The following PHAX variants were observed in gnomAD, a reference collection of about 807,000 sequenced individuals.
The protein encoded by PHAX is phosphorylated adapter RNA export protein.
Under a neutral mutation model 41.6 loss-of-function variants are expected in PHAX, and 31 were observed. The ratio of observed to expected loss-of-function variants is 0.75; its 90% confidence interval spans 0.56 to 1.01. The LOEUF (loss-of-function observed/expected upper bound fraction) is 1.01, where lower values mean the gene tolerates loss of function less well. Among genes scored for constraint, PHAX ranks in the 50% least tolerant of loss-of-function variants. PHAX has a pLI of 0.00. For synonymous variants in PHAX, 175 were observed against 164.9 expected (o/e 1.06, Z -0.47); for missense variants, 453 against 472.9 (o/e 0.96, Z 0.39).
intron 3 of PHAX, among the ~76,000 whole-genome samples, chr5:126,614,250 C>A (rs570555424): frequency 4.0e-5 from 6 of 151,876 alleles, no homozygotes; most frequent in African/African-American, 1.5e-4. Flanking sequence ...CAGGCATATC[C>A]CACCATGTCC....
chr5:126,609,721 AAAAC>A (rs1385095339), intron 3 of PHAX, among the ~76,000 whole-genome samples: 1 of 151,864 alleles, frequency 6.6e-6, no homozygotes, highest in Non-Finnish European at 1.5e-5. Context: ...GCAAAAAAAA[AAAAC>A]AAAACACCCT....
chr5:126,608,685 C>G (rs1220747014), intron 3 of PHAX, among the ~76,000 whole-genome samples: 1 of 152,040 alleles, frequency 6.6e-6, no homozygotes, highest in Non-Finnish European at 1.5e-5. Flanking sequence ...GCCTGTATTC[C>G]TAGCACTTTG....
At chr5:126,606,565 T>C (rs1284784728) in intron 2 of PHAX, among the ~76,000 whole-genome samples, 3 of 152,246 alleles carry the variant, frequency 2.0e-5, no homozygotes, top group Non-Finnish European at 2.9e-5. Context: ...TATATTCATA[T>C]TGAATATTCT....
In PHAX at chr5:126,609,095, A is replaced by ATTTTTTTTTTTTTTTTT. The variant is rs761125079; in HGVS notation, c.831+618_831+634dup. 6.1e-3 allele frequency among the ~76,000 whole-genome samples: 618 copies of ATTTTTTTTTTTTTTTTT among 101,212 alleles called. 95 individuals carry two copies. The highest frequency in any genetic ancestry group is 0.029 in the African/African-American group (598 of 20,974). The allele number at this position is 101,212 out of a possible 152,430, so 66.4% of individuals were successfully genotyped here. A position where few individuals can be genotyped will look rare whatever the true frequency, so the allele number is the denominator to read the frequency against. The stretch of plus-strand genomic sequence containing the variant: ...ATGATTTGTTAAAGGTAGGGGTTGA[A>ATTTTTTTTTTTTTTTTT]TTTTTTTTTTTTTTTTTTTTTTTGA... On this transcript the variant is annotated intron_variant, in intron 3 of 4. Coordinates refer to ENST00000297540, the MANE Select transcript of PHAX (RefSeq NM_032177.4).
Position 126,608,403 on chromosome 5 carries a change from G to A in PHAX, c.750G>A (p.Val250=), listed in dbSNP as rs764499569. ...EPKKDLIARV[V]RIIGNKKAIE... The stretch of plus-strand genomic sequence containing the variant: ...AGAAAGACCTGATAGCCCGAGTAGT[G>A]AGGATTATTGGTAACAAAAAGGCAA... Residue 250 remains valine (V), a synonymous_variant, in exon 3 of 5, where the codon GTG becomes GTA. Transcript: ENST00000297540. 2 of 1,613,722 alleles carry A rather than the reference G, an allele frequency of 1.2e-6. No homozygotes were observed. The highest frequency in any genetic ancestry group is 2.2e-5 in the South Asian group (2 of 91,076).
Position 126,600,957 on chromosome 5 carries a change from G to C in PHAX, c.-6G>C. 6.2e-7 allele frequency: 1 copy of C among 1,602,026 alleles called. No individual in the cohort carries two copies. The highest frequency in any genetic ancestry group is 8.5e-7 in the Non-Finnish European group (1 of 1,174,046). Reference sequence around the variant, plus strand: ...GCCGCTGTGCAGCGCAGCGCACCGCGGGAAGATGGCGTTGGAGGTCGGCGA... The same window carrying C: ...GCCGCTGTGCAGCGCAGCGCACCGCCGGAAGATGGCGTTGGAGGTCGGCGA... On this transcript the variant is annotated 5_prime_UTR_variant, in exon 1 of 5. Transcript: ENST00000297540.
chr5:126,613,842 C>T (rs555504087), intron 3 of PHAX, among the ~76,000 whole-genome samples: 112 of 150,812 alleles, frequency 7.4e-4, no homozygotes, highest in African/African-American at 2.7e-3. Context: ...GTGGCACAAT[C>T]GCAGGTCACT....
At chr5:126,609,615 C>G (rs1251424319) in intron 3 of PHAX, among the ~76,000 whole-genome samples, 4 of 151,502 alleles carry the variant, frequency 2.6e-5, no homozygotes, top group Non-Finnish European at 5.9e-5. Context: ...GGAGATGGTG[C>G]ACATGAAATA....
At position 126,627,221 on chromosome 5, in the gene PHAX, A is replaced by G. The variant is rs1244952942; in HGVS notation, c.*2377A>G. ...GTTGCTTTTTATTTATAAAGGATGC[A>G]AAAATAAAATTAGATTTTTGGCAGT... On this transcript the variant is annotated 3_prime_UTR_variant, in exon 5 of 5. Transcript: ENST00000297540. The G allele has an allele frequency of 6.6e-6, 1 of 152,234 alleles. No homozygotes were observed. Among genetic ancestry groups the G allele is most frequent in the African/African-American group, 2.4e-5 (1 of 41,472 alleles). 9.4% of individuals were successfully genotyped at this position (152,234 alleles called of 1,614,324 possible). A position where few individuals can be genotyped will look rare whatever the true frequency, so the allele number is the denominator to read the frequency against.
At position 126,625,893 on chromosome 5, in the gene PHAX, C is replaced by G. The variant is rs563382681; in HGVS notation, c.*1049C>G. 2 of 152,054 alleles carry G rather than the reference C, an allele frequency of 1.3e-5. No individual in the cohort carries two copies. Among genetic ancestry groups the G allele is most frequent in the African/African-American group, 4.8e-5 (2 of 41,416 alleles). The allele number at this position is 152,054 out of a possible 1,614,324, so 9.4% of individuals were successfully genotyped here. ...TTTTTGTATTTTTAGTAAAGACTTT[C>G]GCCATGTTGTCCAGGCTGGTCTCGA... On this transcript the variant is annotated 3_prime_UTR_variant, in exon 5 of 5. Transcript: ENST00000297540.
chr5:126,609,986 C>T (rs987809404), intron 3 of PHAX, among the ~76,000 whole-genome samples: 6 of 152,172 alleles, frequency 3.9e-5, no homozygotes, highest in Non-Finnish European at 7.3e-5. Context: ...ATCCGCCTGC[C>T]TCGGCCTCCC....
At chr5:126,614,328 A>C (rs1752151511) in intron 3 of PHAX, among the ~76,000 whole-genome samples, 1 of 151,940 alleles carries the variant, frequency 6.6e-6, no homozygotes, top group Non-Finnish European at 1.5e-5. Context: ...CAAACTCCTG[A>C]CCTCAAGTGA....
At chr5:126,609,856 C>T (rs1441807184) in intron 3 of PHAX, among the ~76,000 whole-genome samples, 1 of 152,164 alleles carries the variant, frequency 6.6e-6, no homozygotes, top group East Asian at 1.9e-4. Context: ...TCCCCTGCCT[C>T]AGCCTCCCAA....
At chr5:126,608,958 G>GA (rs113506836) in intron 3 of PHAX, among the ~76,000 whole-genome samples, 38,885 of 148,278 alleles carry the variant, frequency 0.26, 6,310 homozygotes, top group African/African-American at 0.45. Context: ...AGAATAAAAA[G>GA]AAAAAAAAAT....
At chr5:126,623,427 G>A (rs915598013) in intron 4 of PHAX, among the ~76,000 whole-genome samples, 1 of 152,084 alleles carries the variant, frequency 6.6e-6, no homozygotes, top group African/African-American at 2.4e-5. Context: ...TAAGGCTTTT[G>A]TGAGGACGAA....
rs941990240 is a variant in PHAX at position 126,602,953 on chromosome 5, C to T, written c.97-617C>T. On this transcript the variant is annotated intron_variant, in intron 1 of 4. Transcript: ENST00000297540. ...CCGGGAGGCGGAGCTTGCAGTGAGC[C>T]GAGATCGCGCCACTGCACTCCAGCC... Among the ~76,000 whole-genome samples, 9 of 150,400 alleles carry T rather than the reference C, an allele frequency of 6.0e-5. No individual in the cohort carries two copies. In the South Asian group the frequency reaches 8.4e-4, roughly 14 times the overall value.
chr5:126,616,462 A>G (rs147269322), intron 3 of PHAX, among the ~76,000 whole-genome samples: 118 of 152,296 alleles, frequency 7.7e-4, no homozygotes, highest in African/African-American at 2.8e-3. Flanking sequence ...ATCATAGACT[A>G]AATACCCATA....
chr5:126,607,839 G>T (rs147222444), intron 2 of PHAX, among the ~76,000 whole-genome samples: 61 of 152,264 alleles, frequency 4.0e-4, no homozygotes, highest in African/African-American at 1.4e-3. Flanking sequence ...AGCTGGCATA[G>T]TGCATGTAAG....
At chr5:126,615,040 C>T (rs945968727) in intron 3 of PHAX, among the ~76,000 whole-genome samples, 6 of 152,048 alleles carry the variant, frequency 3.9e-5, no homozygotes, top group South Asian at 2.1e-4. Flanking sequence ...CGTGAGCCAC[C>T]GTACCCGGCC....
Sources: allele counts gnomAD v4.1 joint callset (sites outside exome capture counted in the v4.1 genomes callset), GRCh38; gene constraint gnomAD v4.1.1; transcripts MANE v1.5; gene names NCBI Gene and HGNC (gene_info 2026-07-23, HGNC 2026-07-21).